Variants in WSCD1 observed in about 807,000 individuals in gnomAD.
The protein encoded by WSCD1 is WSC domain sialate O sulfotransferase 1.
In WSCD1, 41 loss-of-function variants were observed where a neutral mutation model predicts 60.4. The ratio of observed to expected loss-of-function variants is 0.68; its 90% CI spans 0.53 to 0.88. The LOEUF is 0.88. Ranked by LOEUF, WSCD1 falls within the 40% of genes least tolerant of loss-of-function variation. The probability of loss-of-function intolerance (pLI) is 0.00; values close to 1 mark genes in which losing one functional copy is unlikely to be tolerated. For synonymous variants in WSCD1, 361 were observed against 332.5 expected (o/e 1.09, Z -0.93); for missense variants, 784 against 796.2 (o/e 0.98, Z 0.18).
intron 2 of WSCD1, among the ~76,000 whole-genome samples, chr17:6,083,308 C>G (rs1283650037): frequency 6.6e-6 from 1 of 152,206 alleles, no homozygotes; most frequent in Non-Finnish European, 1.5e-5. Context: ...GCCTTCATTC[C>G]ACGCTTACTG....
chr17:6,101,359 G>T lies in WSCD1; in HGVS notation c.849+6136G>T, dbSNP rs891788507. Among the ~76,000 whole-genome samples the T allele has an allele frequency of 6.6e-6, 1 of 152,148 alleles. No homozygotes were observed. The highest frequency in any genetic ancestry group is 1.5e-5 in the Non-Finnish European group (1 of 68,028). ...AAATGGGGCAGAGCTGAGCCTGGGG[G>T]TAGGAAGCTAGGGGCTTAATTAGAG... is the stretch of plus-strand genomic sequence containing the variant. On this transcript the variant is annotated intron_variant, in intron 5 of 8. Transcript: ENST00000317744. The surrounding 1 kb of genome is among the most constrained non-coding windows in gnomAD (Gnocchi z 4.1).
rs572089868 is a variant in WSCD1 at position 6,120,797 on chromosome 17, C to T, written c.*136C>T. ...GGGGGCTCACCCTGGTGCTGCCTCC[C>T]GCACAAGGAGACCTGGACACAACAG... On this transcript the variant is annotated 3_prime_UTR_variant, in exon 9 of 9. Transcript: ENST00000317744. 1.4e-4 allele frequency: 121 copies of T among 876,042 alleles called. No homozygotes were observed. In the East Asian group the frequency reaches 2.5e-3, roughly 18 times the overall value. 54.3% of individuals were successfully genotyped at this position (876,042 alleles called of 1,614,324 possible). A position where few individuals can be genotyped will look rare whatever the true frequency, so the allele number is the denominator to read the frequency against.
At chr17:6,071,380 G>T (rs979138558) in intron 1 of WSCD1, among the ~76,000 whole-genome samples, 1 of 152,196 alleles carries the variant, frequency 6.6e-6, no homozygotes, top group South Asian at 2.1e-4. Context: ...TCTGCTGATC[G>T]GGAATGCGGG....
At chr17:6,083,589 G>C (rs1208152938) in intron 2 of WSCD1, among the ~76,000 whole-genome samples, 1 of 152,144 alleles carries the variant, frequency 6.6e-6, no homozygotes, top group African/African-American at 2.4e-5. Flanking sequence ...GACCAGCCTG[G>C]CCAACATGGT....
Position 6,094,808 on chromosome 17 carries a change from A to AGGG in WSCD1, c.728-294_728-293insGGG, listed in dbSNP as rs1343884638. ...GAAGGAAGGGAGGAAGGGAGGGAGG[A>AGGG]AGGGAGGAAGGAATGACTTATGGAG... On this transcript the variant is annotated intron_variant, in intron 4 of 8. Transcript: ENST00000317744. Among the ~76,000 whole-genome samples the AGGG allele has an allele frequency of 1.3e-3, 188 of 142,974 alleles. 2 individuals are homozygous for AGGG. The highest frequency in any genetic ancestry group is 2.6e-3 in the African/African-American group (95 of 36,250). The allele number at this position is 142,974 out of a possible 152,430, so 93.8% of individuals were successfully genotyped here. A position where few individuals can be genotyped will look rare whatever the true frequency, so the allele number is the denominator to read the frequency against.
rs140014141 is a variant in WSCD1 at position 6,085,726 on chromosome 17, T to C, written c.428-2264T>C. On this transcript the variant is annotated intron_variant, in intron 2 of 8. Coordinates refer to ENST00000317744, the MANE Select transcript of WSCD1 (RefSeq NM_015253.2). ...TGTTTAATAATCCTGAGCTTATGCTTTGGCTGTTTAATTGAAAGCTGAAAT... is the reference window on the plus strand; with the variant it reads ...TGTTTAATAATCCTGAGCTTATGCTCTGGCTGTTTAATTGAAAGCTGAAAT... Among the ~76,000 whole-genome samples, 257 of 152,356 alleles carry C rather than the reference T, an allele frequency of 1.7e-3. 2 individuals carry two copies. Among genetic ancestry groups the C allele is most frequent in the African/African-American group, 6.0e-3 (250 of 41,572 alleles).
In WSCD1 at chr17:6,110,683, G is replaced by T; in HGVS notation, c.1010-88G>T. ...CCCCATCTATTAAATGGGAGTCTTC[G>T]TTCATCAGTTCCTCTAAGGGAGTTT... On this transcript the variant is annotated intron_variant, in intron 6 of 8. Coordinates refer to ENST00000317744, the MANE Select transcript of WSCD1 (RefSeq NM_015253.2). The surrounding 1 kb of genome is among the most constrained non-coding windows in gnomAD (Gnocchi z 4.8). 1 of 1,476,466 alleles carries T rather than the reference G, an allele frequency of 6.8e-7. No individual in the cohort carries two copies. The highest frequency in any genetic ancestry group is 9.1e-7 in the Non-Finnish European group (1 of 1,096,104). 91.5% of individuals were successfully genotyped at this position (1,476,466 alleles called of 1,614,324 possible).
intron 5 of WSCD1, among the ~76,000 whole-genome samples, chr17:6,098,143 CAG>C (rs575352358): frequency 0.012 from 574 of 47,786 alleles, 3 homozygotes; most frequent in Middle Eastern, 0.073. Flanking sequence ...TTTGCAGAGA[CAG>C]GGGGGCGGGG....
intron 1 of WSCD1, among the ~76,000 whole-genome samples, chr17:6,072,435 G>A (rs569322092): frequency 9.2e-5 from 14 of 152,292 alleles, no homozygotes; most frequent in South Asian, 2.1e-4. Context: ...GAACCCCTCC[G>A]AGCAGGGCCT....
intron 5 of WSCD1, among the ~76,000 whole-genome samples, chr17:6,106,932 A>T (rs73347063): frequency 0.033 from 5,019 of 152,242 alleles, 242 homozygotes; most frequent in African/African-American, 0.1. Flanking sequence ...GAAGTCAGGG[A>T]ACAGCAAGGA....
In WSCD1 at chr17:6,118,081, C is replaced by T. The variant is rs770919151; in HGVS notation, c.1268C>T (p.Ser423Leu). 1 of 1,614,072 alleles carries T rather than the reference C, an allele frequency of 6.2e-7. No individual in the cohort carries two copies. The highest frequency in any genetic ancestry group is 1.3e-5 in the African/African-American group (1 of 74,924). Residue 423 changes from serine to leucine, a missense_variant, in exon 8 of 9, where the codon TCA becomes TTA. Physicochemically the swap from Ser to Leu is moderately radical, Grantham distance 145 (BLOSUM62 -2). Transcript: ENST00000317744. The surrounding 1 kb of genome is among the most constrained non-coding windows in gnomAD (Gnocchi z 5.8). The stretch of plus-strand genomic sequence containing the variant: ...AGGAGGGAGATTGAGATGTTTGATT[C>T]AGCCATCCTGCTAATCCGGAACCCA... The part of the protein sequence containing the change: ...SGRREIEMFD[S>L]AILLIRNPYR...
chr17:6,121,485 C>T lies in WSCD1; in HGVS notation c.*824C>T, dbSNP rs1483934128. On this transcript the variant is annotated 3_prime_UTR_variant, in exon 9 of 9. Coordinates refer to ENST00000317744, the MANE Select transcript of WSCD1 (RefSeq NM_015253.2). ...TGCTCCGGGGCCTGGGGCCTCCTTG[C>T]CTGGCTTCTTCCTCCAGCTATCCTC... 2 of 152,314 alleles carry T rather than the reference C, an allele frequency of 1.3e-5. No individual in the cohort carries two copies. The highest frequency in any genetic ancestry group is 1.9e-4 in the East Asian group (1 of 5,178). 9.4% of individuals were successfully genotyped at this position (152,314 alleles called of 1,614,324 possible).
At chr17:6,076,710 C>T (rs1406219251) in intron 1 of WSCD1, among the ~76,000 whole-genome samples, 2 of 152,178 alleles carry the variant, frequency 1.3e-5, no homozygotes, top group Non-Finnish European at 1.5e-5. Flanking sequence ...TGCTGGCTTT[C>T]GGATGTAGTG....
rs749555008 is a variant in WSCD1, at chr17:6,110,906, A to G, written c.1145A>G (p.Tyr382Cys). ...EHATGFYTGSYYFDGTLYNKG... is the reference protein window; with the variant it reads ...EHATGFYTGSCYFDGTLYNKG... ...GCCACTGGCTTCTATACAGGGAGCTACTACTTTGATGGAACCCTCTACAAC... is the reference window on the plus strand; with the variant it reads ...GCCACTGGCTTCTATACAGGGAGCTGCTACTTTGATGGAACCCTCTACAAC... Residue 382 changes from tyrosine (Y) to cysteine (C), a missense_variant, in exon 7 of 9, where the codon TAC becomes TGC. Physicochemically the swap from Tyr to Cys is radical, Grantham distance 194 (BLOSUM62 -2). Transcript: ENST00000317744. This position sits in a 1 kb window ranked among gnomAD's most constrained non-coding sequence, Gnocchi z 4.8. 15 of 1,610,786 alleles carry G rather than the reference A, an allele frequency of 9.3e-6. No homozygotes were observed. The highest frequency in any genetic ancestry group is 4.5e-5 in the East Asian group (2 of 44,802).
intron 2 of WSCD1, among the ~76,000 whole-genome samples, chr17:6,084,424 C>G (rs546670454): frequency 1.3e-5 from 2 of 152,336 alleles, no homozygotes; most frequent in South Asian, 4.1e-4. Context: ...AGCCTGCAGC[C>G]CAGCCCTCAG....
intron 4 of WSCD1, among the ~76,000 whole-genome samples, chr17:6,092,047 A>T (rs974380751): frequency 2.0e-5 from 3 of 150,652 alleles, no homozygotes; most frequent in South Asian, 2.1e-4. Flanking sequence ...CTAGCTACTC[A>T]GGAGGCTGAG....
chr17:6,093,401 C>G lies in WSCD1; in HGVS notation c.728-1701C>G, dbSNP rs961560370. Among the ~76,000 whole-genome samples the G allele has an allele frequency of 7.2e-5, 11 of 152,268 alleles. No individual in the cohort carries two copies. In the South Asian group the frequency reaches 2.3e-3, roughly 32 times the overall value. On this transcript the variant is annotated intron_variant, in intron 4 of 8. Coordinates refer to ENST00000317744, the MANE Select transcript of WSCD1 (RefSeq NM_015253.2). ...CAGGGGTCACCCAGGATGTAGCTTC[C>G]CCCCAGGAGCTGTGTTCTGGAGGCC... is the stretch of plus-strand genomic sequence containing the variant.
intron 8 of WSCD1, among the ~76,000 whole-genome samples, chr17:6,120,086 C>G (rs1904563489): frequency 6.6e-6 from 1 of 152,222 alleles, no homozygotes. Flanking sequence ...ATGGAGGCTG[C>G]ACAGCGTCCT....
In WSCD1 at chr17:6,121,134, C is replaced by G. The variant is rs78004699; in HGVS notation, c.*473C>G. On this transcript the variant is annotated 3_prime_UTR_variant, in exon 9 of 9. Transcript: ENST00000317744. ...GCATAGACTTGCTCGTCAGGGTGTT[C>G]GACTCTGGGATGCTGGGCCGGGCAG... 7.6e-3 allele frequency: 1,308 copies of G among 172,824 alleles called. 21 individuals carry two copies. Among genetic ancestry groups the G allele is most frequent in the African/African-American group, 0.03 (1,247 of 42,042 alleles). 10.7% of individuals were successfully genotyped at this position (172,824 alleles called of 1,614,324 possible).
Sources: allele counts gnomAD v4.1 joint callset (sites outside exome capture counted in the v4.1 genomes callset), GRCh38; gene constraint gnomAD v4.1.1; non-coding constraint Gnocchi (gnomAD v3.1); transcripts MANE v1.5; gene names NCBI Gene and HGNC (gene_info 2026-07-23, HGNC 2026-07-21).